The following CFAP47 variants were observed in gnomAD, a reference collection of about 807,000 sequenced individuals.
CFAP47 encodes cilia and flagella associated protein 47.
CFAP47 carries 29 observed loss-of-function variants against 148.1 expected under a neutral mutation model. The observed-to-expected ratio is 0.20, with a 90% confidence interval of 0.15 to 0.27. The LOEUF is 0.27. CFAP47 is among the 10% of genes least tolerant of loss of function. The pLI is 1.00. For synonymous variants in CFAP47, 664 were observed against 577.3 expected, an observed-to-expected ratio of 1.15 and a Z score of -2.15; for missense variants, 1,872 against 1,697.5, an observed-to-expected ratio of 1.10 and a Z score of -1.81.
At chrX:36,341,019 G>A (rs1941647593) in intron 57 of CFAP47, among the ~76,000 whole-genome samples, 1 of 104,624 alleles carries the variant, frequency 9.6e-6, no homozygotes, top group Admixed American at 1.0e-4. Flanking sequence ...TATGGTGCTA[G>A]TATATTTCTT....
intron 33 of CFAP47, among the ~76,000 whole-genome samples, chrX:36,137,402 G>A (rs779766106): frequency 4.5e-5 from 5 of 111,178 alleles, no homozygotes; most frequent in Admixed American, 1.9e-4. Context: ...CAGACTCAGC[G>A]TAGTAATCAT....
rs961675181 is a variant in CFAP47 at position 35,920,531 on chromosome X, G to A, written c.249+483G>A. Reference sequence around the variant, plus strand: ...AACGGGTAATAGACATGAGGAATACGGAATGGACACAGCCCTGCCCTCATA... The same window carrying A: ...AACGGGTAATAGACATGAGGAATACAGAATGGACACAGCCCTGCCCTCATA... On this transcript the variant is annotated intron_variant, in intron 1 of 63. Coordinates refer to ENST00000378653, the MANE Select transcript of CFAP47 (RefSeq NM_001304548.2). 2.1e-4 allele frequency among the ~76,000 whole-genome samples: 24 copies of A among 111,700 alleles called. 2 individuals carry two copies. Among genetic ancestry groups the A allele is most frequent in the Admixed American group, 2.0e-3 (21 of 10,488 alleles).
At chrX:36,178,796 C>T (rs1939716919) in intron 39 of CFAP47, among the ~76,000 whole-genome samples, 2 of 111,578 alleles carry the variant, frequency 1.8e-5, no homozygotes, top group South Asian at 7.5e-4. Flanking sequence ...TCATGTCCTA[C>T]AAGTAAGAAA....
At chrX:36,253,435 T>C (rs781836109) in intron 49 of CFAP47, among the ~76,000 whole-genome samples, 4 of 111,303 alleles carry the variant, frequency 3.6e-5, no homozygotes, top group Admixed American at 2.9e-4. Context: ...ATAAATACAA[T>C]TGCTTCTGAA....
chrX:36,017,018 A>AT (rs771914460), intron 22 of CFAP47, among the ~76,000 whole-genome samples: 4 of 110,189 alleles, frequency 3.6e-5, no homozygotes, highest in East Asian at 2.9e-4. Flanking sequence ...GGATTATTAG[A>AT]TTTTTTCTCA....
intron 42 of CFAP47, among the ~76,000 whole-genome samples, chrX:36,199,566 G>A (rs181787446): frequency 1.5e-3 from 173 of 111,957 alleles, no homozygotes; most frequent in Non-Finnish European, 2.6e-3. Context: ...TTCATTCTTT[G>A]TTACAAACAG....
intron 48 of CFAP47, among the ~76,000 whole-genome samples, chrX:36,241,918 C>T (rs1940549679): frequency 9.0e-6 from 1 of 111,694 alleles, no homozygotes; most frequent in African/African-American, 3.3e-5. Context: ...GCCCAGAAAT[C>T]GACCTGGTGA....
intron 40 of CFAP47, among the ~76,000 whole-genome samples, chrX:36,188,410 C>T (rs1939830412): frequency 1.8e-5 from 2 of 111,064 alleles, no homozygotes; most frequent in South Asian, 3.8e-4. Context: ...GAAATATGGA[C>T]GTTTGTTAGT....
chrX:35,944,625 A>G (rs937898148), intron 3 of CFAP47, among the ~76,000 whole-genome samples: 14 of 112,071 alleles, frequency 1.2e-4, no homozygotes, highest in Non-Finnish European at 2.3e-4. Context: ...ATAACATTCT[A>G]TAGAACTACA....
At chrX:36,090,385 A>G (rs924871361) in intron 30 of CFAP47, among the ~76,000 whole-genome samples, 2 of 112,055 alleles carry the variant, frequency 1.8e-5, no homozygotes, top group Admixed American at 1.9e-4. Context: ...TATAATGGAA[A>G]TCAAACAACT....
intron 29 of CFAP47, among the ~76,000 whole-genome samples, chrX:36,077,427 T>C (rs1242803794): frequency 9.2e-6 from 1 of 108,131 alleles, no homozygotes; most frequent in Non-Finnish European, 1.9e-5. Context: ...CATTTGTTTG[T>C]GTCATCTATG....
Position 36,035,836 on chromosome X carries a change from T to C in CFAP47, c.3793T>C (p.Ser1265Pro), listed in dbSNP as rs1263240627. The change falls in exon 24 of 64, where the codon TCC becomes CCC. Residue 1265 changes from serine to proline, a missense_variant. Coordinates refer to ENST00000378653, the MANE Select transcript of CFAP47 (RefSeq NM_001304548.2). ...ILRPNEKYNV[S>P]ISFCPNRPGT... ...ACGACCAAATGAAAAGTATAATGTT[T>C]CCATAAGTTTCTGTCCAAGTAAGAT... is the stretch of plus-strand genomic sequence containing the variant. The C allele has an allele frequency of 3.4e-6, 1 of 294,265 alleles. No homozygotes were observed. The highest frequency in any genetic ancestry group is 4.8e-5 in the East Asian group (1 of 20,873). 24.3% of individuals were successfully genotyped at this position (294,265 alleles called of 1,213,427 possible).
intron 26 of CFAP47, among the ~76,000 whole-genome samples, chrX:36,050,305 G>A (rs773922886): frequency 9.0e-6 from 1 of 111,679 alleles, no homozygotes; most frequent in South Asian, 3.8e-4. Context: ...ACTTCCTAGA[G>A]ACTTGGAGGG....
rs981008335 is a variant in CFAP47 at position 35,984,493 on chromosome X, T to C, written c.2714-4826T>C. Among the ~76,000 whole-genome samples, 6 of 111,472 alleles carry C rather than the reference T, an allele frequency of 5.4e-5. No homozygotes were observed. In the South Asian group the frequency reaches 2.2e-3, roughly 42 times the overall value. On this transcript the variant is annotated intron_variant, in intron 15 of 63. Coordinates refer to ENST00000378653, the MANE Select transcript of CFAP47 (RefSeq NM_001304548.2). ...GATTTTGGTTATTTCTGGTCTTCTG[T>C]TAGCTTTGGGGTTGGTTTGCTGTTT...
At chrX:36,332,771 G>A (rs1941574753) in intron 57 of CFAP47, among the ~76,000 whole-genome samples, 2 of 111,756 alleles carry the variant, frequency 1.8e-5, no homozygotes, top group African/African-American at 6.5e-5. Context: ...AAGCTAGTAG[G>A]GGTAAAATGG....
intron 34 of CFAP47, 45 bp from the exon 35 acceptor site, chrX:36,138,302 AT>A (rs780980477): frequency 2.0e-3 from 2,126 of 1,057,174 alleles, no homozygotes; most frequent in Non-Finnish European, 2.4e-3. Flanking sequence ...AAAAAACAGA[AT>A]TTTTTATTCC....
intron 8 of CFAP47, among the ~76,000 whole-genome samples, chrX:35,962,945 G>A (rs1328914247): frequency 2.8e-5 from 3 of 107,248 alleles, no homozygotes; most frequent in African/African-American, 1.0e-4. Flanking sequence ...GTGTGTGTGT[G>A]TGTGTGTGTG....
At chrX:36,196,037 CCT>C (rs1229308019) in intron 42 of CFAP47, among the ~76,000 whole-genome samples, 1 of 111,156 alleles carries the variant, frequency 9.0e-6, no homozygotes, top group Non-Finnish European at 1.9e-5. Context: ...ATCTGTAAGG[CCT>C]GCAATTAATG....
chrX:36,275,858 T>C (rs924239298), intron 49 of CFAP47, among the ~76,000 whole-genome samples: 2 of 111,205 alleles, frequency 1.8e-5, no homozygotes, highest in African/African-American at 6.5e-5. Flanking sequence ...TATTACTGAT[T>C]CAATATCCTC....
Sources: gnomAD v4.1 joint callset for allele counts (sites outside exome capture counted in the v4.1 genomes callset) on GRCh38, gnomAD v4.1.1 for gene constraint, MANE v1.5 for transcripts, NCBI Gene and HGNC (gene_info 2026-07-23, HGNC 2026-07-21) for gene names.